The following FAM178B variants were observed in gnomAD, a reference collection of about 807,000 sequenced individuals.
FAM178B encodes family with sequence similarity 178 member B, also known as protein FAM178B.
FAM178B carries 82 observed loss-of-function variants against 91.7 expected under a neutral mutation model. The ratio of observed to expected loss-of-function variants is 0.89; its 90% CI spans 0.75 to 1.07. The LOEUF is 1.07. FAM178B is among the 50% of genes least tolerant of loss of function. The probability of loss-of-function intolerance (pLI) is 0.00; values close to 1 mark genes in which losing one functional copy is unlikely to be tolerated. For synonymous variants in FAM178B, 368 were observed against 359.4 expected (o/e 1.02, Z -0.27); for missense variants, 769 against 846.7 (o/e 0.91, Z 1.14).
At chr2:96,976,122 T>A (rs1327210779) in intron 1 of FAM178B, among the ~76,000 whole-genome samples, 2 of 148,930 alleles carry the variant, frequency 1.3e-5, no homozygotes, top group Admixed American at 6.8e-5. Flanking sequence ...TGAGAGAGAG[T>A]GTTACTCTGT....
intron 8 of FAM178B, among the ~76,000 whole-genome samples, chr2:96,941,021 G>C (rs1246022756): frequency 6.6e-6 from 1 of 152,188 alleles, no homozygotes; most frequent in African/African-American, 2.4e-5. Context: ...AAGAGCAATC[G>C]GCACTGGAGG....
At chr2:96,952,342 T>C (rs1299409363) in intron 6 of FAM178B, among the ~76,000 whole-genome samples, 2 of 152,132 alleles carry the variant, frequency 1.3e-5, no homozygotes, top group African/African-American at 4.8e-5. Flanking sequence ...AAGAGTTCCA[T>C]AGAGGATTCT....
Position 96,951,360 on chromosome 2 carries a change from G to A in FAM178B, c.993+19C>T. On this transcript the variant is annotated intron_variant, in intron 7 of 16. Coordinates refer to ENST00000490605, the MANE Select transcript of FAM178B (RefSeq NM_001122646.3). The stretch of plus-strand genomic sequence containing the variant: ...ACTGCAGCGCTCCCGCCACCTAGTG[G>A]CAGGCCTGCGGTCCTCACCTGGAAC... 6.5e-7 allele frequency: 1 copy of A among 1,530,338 alleles called. No individual in the cohort carries two copies. Among genetic ancestry groups the A allele is most frequent in the Non-Finnish European group, 8.9e-7 (1 of 1,128,320 alleles). 94.8% of individuals were successfully genotyped at this position (1,530,338 alleles called of 1,614,324 possible).
At chr2:96,950,733 G>T (rs2081911033) in intron 7 of FAM178B, among the ~76,000 whole-genome samples, 1 of 152,202 alleles carries the variant, frequency 6.6e-6, no homozygotes, top group Admixed American at 6.5e-5. Context: ...TGGGCAAAAT[G>T]TATGTTCCCC....
chr2:96,876,131 G>A lies in FAM178B; in HGVS notation c.*145C>T. ...CTCTTGCAGAGAGGAGAGGGGTCGG[G>A]GCGGTGGCAGGGGCAGGCTCTTGCC... On this transcript the variant is annotated 3_prime_UTR_variant, in exon 17 of 17. Coordinates refer to ENST00000490605, the MANE Select transcript of FAM178B (RefSeq NM_001122646.3). The A allele has an allele frequency of 1.3e-6, 1 of 771,368 alleles. No individual in the cohort carries two copies. The highest frequency in any genetic ancestry group is 2.1e-6 in the Non-Finnish European group (1 of 475,740). The allele number at this position is 771,368 out of a possible 1,614,324, so 47.8% of individuals were successfully genotyped here.
intron 16 of FAM178B, among the ~76,000 whole-genome samples, chr2:96,876,571 C>T (rs2080247146): frequency 6.6e-6 from 1 of 152,212 alleles, no homozygotes; most frequent in African/African-American, 2.4e-5. Context: ...ACTGCTCCCA[C>T]CAGAGGCTGG....
intron 13 of FAM178B, 50 bp from the exon 14 acceptor site, chr2:96,894,101 C>G (rs753309128): frequency 6.4e-7 from 1 of 1,558,720 alleles, no homozygotes; most frequent in Non-Finnish European, 8.7e-7. Flanking sequence ...TGGCCAAGAG[C>G]TCAGGGTGCT....
intron 8 of FAM178B, among the ~76,000 whole-genome samples, chr2:96,932,595 G>C (rs568020339): frequency 6.6e-6 from 1 of 152,318 alleles, no homozygotes; most frequent in South Asian, 2.1e-4. Context: ...ACACAGAACA[G>C]TCATTTTAGG....
chr2:96,936,516 T>TTTG (rs2081634593), intron 8 of FAM178B, among the ~76,000 whole-genome samples: 1 of 91,230 alleles, frequency 1.1e-5, no homozygotes, highest in Non-Finnish European at 1.9e-5. Flanking sequence ...TTTTTGGTTG[T>TTTG]TTTTTTTTTT....
At chr2:96,928,487 G>A (rs188308688) in intron 9 of FAM178B, among the ~76,000 whole-genome samples, 70 of 152,226 alleles carry the variant, frequency 4.6e-4, no homozygotes, top group African/African-American at 1.5e-3. Context: ...GGGGCTCAAC[G>A]GGGGCACTCA....
chr2:96,968,263 C>T (rs970667131), intron 4 of FAM178B, among the ~76,000 whole-genome samples: 9 of 152,128 alleles, frequency 5.9e-5, no homozygotes, highest in East Asian at 1.9e-4. Flanking sequence ...TTTAGCCTTC[C>T]GGCCTCACTC....
At chr2:96,944,752 A>C (rs1234198459) in intron 8 of FAM178B, among the ~76,000 whole-genome samples, 2 of 152,218 alleles carry the variant, frequency 1.3e-5, no homozygotes, top group East Asian at 3.8e-4. Flanking sequence ...GAAAATGAAG[A>C]GGTTTGGGAA....
intron 12 of FAM178B, among the ~76,000 whole-genome samples, chr2:96,904,524 C>T (rs370037983): frequency 2.7e-5 from 4 of 150,166 alleles, no homozygotes; most frequent in Middle Eastern, 3.4e-3. Context: ...GTCACGCACG[C>T]GCCACCATGC....
chr2:96,977,285 C>A (rs547975652), intron 1 of FAM178B, among the ~76,000 whole-genome samples: 3 of 140,178 alleles, frequency 2.1e-5, no homozygotes, highest in Admixed American at 1.5e-4. Flanking sequence ...TTCAGCAGGC[C>A]GAGGTAGGAT....
chr2:96,929,012 G>A (rs116325579), intron 9 of FAM178B, among the ~76,000 whole-genome samples, 194 bp downstream of exon 9: 40 of 152,108 alleles, frequency 2.6e-4, no homozygotes, highest in East Asian at 2.3e-3. Context: ...TAAAAAATTC[G>A]CCAGGCGTGG....
chr2:96,935,179 C>A (rs13387563), intron 8 of FAM178B, among the ~76,000 whole-genome samples: 46,043 of 151,730 alleles, frequency 0.3, 11,736 homozygotes, highest in African/African-American at 0.7. Context: ...AACAAACAAA[C>A]AAAAACAAAA....
chr2:96,922,070 C>G (rs2081350222), intron 10 of FAM178B, among the ~76,000 whole-genome samples: 1 of 152,154 alleles, frequency 6.6e-6, no homozygotes, highest in African/African-American at 2.4e-5. Context: ...AGAGTGATCT[C>G]TGGTCGGCCT....
At chr2:96,981,740 CAAAAAAAAAA>C (rs377081384) in intron 1 of FAM178B, among the ~76,000 whole-genome samples, 4 of 18,718 alleles carry the variant, frequency 2.1e-4, no homozygotes, top group East Asian at 7.2e-4. Context: ...GACTCCGTCT[CAAAAAAAAAA>C]AAAAAAAAAA....
chr2:96,954,056 C>A (rs908717495), intron 6 of FAM178B, among the ~76,000 whole-genome samples: 10 of 152,188 alleles, frequency 6.6e-5, no homozygotes, highest in African/African-American at 2.4e-4. Context: ...GATGCTGGGT[C>A]CAAGGGGGTG....
Sources: allele counts gnomAD v4.1 joint callset (sites outside exome capture counted in the v4.1 genomes callset), GRCh38; gene constraint gnomAD v4.1.1; transcripts MANE v1.5; gene names NCBI Gene and HGNC (gene_info 2026-07-23, HGNC 2026-07-21).